The following XXYLT1 variants were observed in gnomAD, a reference collection of about 807,000 sequenced individuals.
XXYLT1 encodes the protein UDP-xylose:alpha-xyloside alpha-1,3-xylosyltransferase.
A neutral mutation model predicts 28.9 loss-of-function variants in XXYLT1; 20 were observed. That is an observed-to-expected ratio of 0.69 (90% CI 0.49 to 1.00). The LOEUF (loss-of-function observed/expected upper bound fraction) is 1.00. XXYLT1 is among the 50% of genes least tolerant of loss of function. XXYLT1 has a pLI of 0.00. For synonymous variants in XXYLT1, 257 were observed against 253.8 expected (o/e 1.01, Z -0.12); for missense variants, 542 against 560.1 (o/e 0.97, Z 0.33).
In XXYLT1 at chr3:195,115,748, G is replaced by A. The variant is rs1360382530; in HGVS notation, c.785+40701C>T. Among the ~76,000 whole-genome samples, 3 of 147,736 alleles carry A rather than the reference G, an allele frequency of 2.0e-5. No individual in the cohort carries two copies. Among genetic ancestry groups the A allele is most frequent in the Non-Finnish European group, 1.5e-5 (1 of 66,418 alleles). On this transcript the variant is annotated intron_variant, in intron 3 of 3. Coordinates refer to ENST00000310380, the MANE Select transcript of XXYLT1 (RefSeq NM_152531.5). The surrounding 1 kb of genome is among the most constrained non-coding windows in gnomAD (Gnocchi z 4.2). ...GTGTTCACGTCCGAGGTGGAGGAAG[G>A]AGGGCGGCAGGTGCAGGCCAGGACC...
chr3:195,173,029 GC>G lies in XXYLT1; in HGVS notation c.653-16449del, dbSNP rs1375704150. ...GGCATTAGAGAGGAGTGGTTTGGCA[GC>G]CCCCCGGGGCTGATCGACACCCCTA... On this transcript the variant is annotated intron_variant, in intron 2 of 3. Transcript: ENST00000310380. The surrounding 1 kb of genome is among the most constrained non-coding windows in gnomAD (Gnocchi z 4.3). Among the ~76,000 whole-genome samples the G allele has an allele frequency of 4.6e-5, 7 of 152,060 alleles. No homozygotes were observed. Among genetic ancestry groups the G allele is most frequent in the African/African-American group, 7.2e-5 (3 of 41,402 alleles).
At chr3:195,233,063 T>A (rs1379531427) in intron 1 of XXYLT1, among the ~76,000 whole-genome samples, 1 of 152,184 alleles carries the variant, frequency 6.6e-6, no homozygotes, top group Non-Finnish European at 1.5e-5. Context: ...AGTGCACTAG[T>A]GTTGGATGCA....
At position 195,129,215 on chromosome 3, in the gene XXYLT1, CCTCT is replaced by C. The variant is rs557463780; in HGVS notation, c.785+27230_785+27233del. 6.6e-6 allele frequency among the ~76,000 whole-genome samples: 1 copy of C among 151,576 alleles called. No individual in the cohort carries two copies. Among genetic ancestry groups the C allele is most frequent in the Non-Finnish European group, 1.5e-5 (1 of 67,860 alleles). ...ACGGCAGCCATTTACAACCTCCTGCCCTCTCTCTCTCTCTTTTTTTGGTAACAGC... is the reference window on the plus strand; with the variant it reads ...ACGGCAGCCATTTACAACCTCCTGCCCTCTCTCTCTTTTTTTGGTAACAGC... On this transcript the variant is annotated intron_variant, in intron 3 of 3. Coordinates refer to ENST00000310380, the MANE Select transcript of XXYLT1 (RefSeq NM_152531.5). This position sits in a 1 kb window ranked among gnomAD's most constrained non-coding sequence, Gnocchi z 4.4.
chr3:195,162,984 T>G lies in XXYLT1; in HGVS notation c.653-6403A>C, dbSNP rs9857412. 5.7e-4 allele frequency among the ~76,000 whole-genome samples: 87 copies of G among 151,394 alleles called. 1 individual carries two copies. Among genetic ancestry groups the G allele is most frequent in the African/African-American group, 2.0e-3 (81 of 40,670 alleles). On this transcript the variant is annotated intron_variant, in intron 2 of 3. Coordinates refer to ENST00000310380, the MANE Select transcript of XXYLT1 (RefSeq NM_152531.5). ...GTTCACATCTCTCTCGTGTCTGCTA[T>G]AAGTTTTTGGTTTTTTTTTGTCTCT...
intron 1 of XXYLT1, among the ~76,000 whole-genome samples, chr3:195,238,457 C>G (rs969462970): frequency 2.0e-5 from 3 of 152,224 alleles, no homozygotes; most frequent in African/African-American, 7.2e-5. Flanking sequence ...GGGCACTCCT[C>G]GTAGGCAGAG....
At chr3:195,136,167 C>A (rs970005910) in intron 3 of XXYLT1, among the ~76,000 whole-genome samples, 3 of 152,284 alleles carry the variant, frequency 2.0e-5, no homozygotes, top group African/African-American at 7.2e-5. Flanking sequence ...GAGCCCCACA[C>A]GTCAGAGCAG....
intron 3 of XXYLT1, among the ~76,000 whole-genome samples, chr3:195,102,629 T>G (rs376921176): frequency 6.6e-6 from 1 of 152,210 alleles, no homozygotes; most frequent in African/African-American, 2.4e-5. Flanking sequence ...GTATGACTCC[T>G]TCTTTTTAAA....
chr3:195,127,013 C>T (rs1340012671), intron 3 of XXYLT1, among the ~76,000 whole-genome samples: 1 of 152,202 alleles, frequency 6.6e-6, no homozygotes, highest in Non-Finnish European at 1.5e-5. Context: ...CTCCATTTTA[C>T]AGAATGTTCC....
intron 3 of XXYLT1, among the ~76,000 whole-genome samples, chr3:195,088,133 TGA>T (rs1715870391): frequency 6.6e-6 from 1 of 150,584 alleles, no homozygotes; most frequent in Non-Finnish European, 1.5e-5. Context: ...TGCCCAGGCT[TGA>T]TTAGGTAAAC....
At chr3:195,235,006 T>C (rs1429398969) in intron 1 of XXYLT1, among the ~76,000 whole-genome samples, 5 of 151,894 alleles carry the variant, frequency 3.3e-5, no homozygotes, top group South Asian at 4.2e-4. Flanking sequence ...ATTTGCCCCA[T>C]TGAGGCAATT....
In XXYLT1 at chr3:195,169,069, G is replaced by C. The variant is rs141989881; in HGVS notation, c.653-12488C>G. Among the ~76,000 whole-genome samples, 33 of 152,344 alleles carry C rather than the reference G, an allele frequency of 2.2e-4. No individual in the cohort carries two copies. The East Asian group carries it at 6.2e-3, about 29-fold the overall frequency. ...CCTAGGCTTAGCAGGGTCTGATTGTGGGGGTCTTTTGGGCGAATGCAGTAA... is the reference window on the plus strand; with the variant it reads ...CCTAGGCTTAGCAGGGTCTGATTGTCGGGGTCTTTTGGGCGAATGCAGTAA... On this transcript the variant is annotated intron_variant, in intron 2 of 3. Coordinates refer to ENST00000310380, the MANE Select transcript of XXYLT1 (RefSeq NM_152531.5).
intron 3 of XXYLT1, among the ~76,000 whole-genome samples, chr3:195,072,993 G>A (rs1278849014): frequency 6.6e-6 from 1 of 152,166 alleles, no homozygotes; most frequent in Non-Finnish European, 1.5e-5. Flanking sequence ...CAACGCAACA[G>A]CACAGCGTGG....
intron 3 of XXYLT1, among the ~76,000 whole-genome samples, chr3:195,104,198 CGTGTGTGTGTGTGTGT>C (rs59361512): frequency 0.061 from 8,676 of 142,016 alleles, 332 homozygotes; most frequent in African/African-American, 0.066. Flanking sequence ...ATGAGGGCTC[CGTGTGTGTGTGTGTGT>C]GTGTGTGTGT....
chr3:195,181,311 C>A (rs1444170217), intron 2 of XXYLT1, among the ~76,000 whole-genome samples: 1 of 152,208 alleles, frequency 6.6e-6, no homozygotes, highest in African/African-American at 2.4e-5. Flanking sequence ...GGCTGCGGAG[C>A]ATGTTTTGCC....
In XXYLT1 at chr3:195,110,338, T is replaced by TAA. The variant is rs1560100866; in HGVS notation, c.786-40228_786-40227insTT. ...TGTGGGTGAGGGTGAGGTGTGTGTA[T>TAA]GTGTGTGGTGTGTGGTGTATGTGCG... On this transcript the variant is annotated intron_variant, in intron 3 of 3. Coordinates refer to ENST00000310380, the MANE Select transcript of XXYLT1 (RefSeq NM_152531.5). 2.6e-4 allele frequency among the ~76,000 whole-genome samples: 9 copies of TAA among 34,680 alleles called. 1 individual carries two copies. The highest frequency in any genetic ancestry group is 7.8e-4 in the African/African-American group (8 of 10,220). The allele number at this position is 34,680 out of a possible 152,430, so 22.8% of individuals were successfully genotyped here. A position where few individuals can be genotyped will look rare whatever the true frequency, so the allele number is the denominator to read the frequency against.
chr3:195,105,001 C>T (rs905711705), intron 3 of XXYLT1, among the ~76,000 whole-genome samples: 1 of 152,212 alleles, frequency 6.6e-6, no homozygotes, highest in Admixed American at 6.5e-5. Flanking sequence ...GGGACAAGGC[C>T]TGAGAGCCTG....
chr3:195,072,372 T>C (rs954560461), intron 3 of XXYLT1, among the ~76,000 whole-genome samples: 43 of 152,326 alleles, frequency 2.8e-4, no homozygotes, highest in African/African-American at 1.0e-3. Flanking sequence ...GGCCGCCCAC[T>C]GTTCCAGGTA....
chr3:195,100,613 T>C (rs1577025368), intron 3 of XXYLT1, among the ~76,000 whole-genome samples: 1 of 152,112 alleles, frequency 6.6e-6, no homozygotes, highest in Non-Finnish European at 1.5e-5. Flanking sequence ...CTCTCCCCTG[T>C]ACTCCACCCA....
chr3:195,116,376 A>G (rs1718043809), intron 3 of XXYLT1, among the ~76,000 whole-genome samples: 1 of 152,226 alleles, frequency 6.6e-6, no homozygotes, highest in Admixed American at 6.5e-5. Context: ...GTTAAAATGT[A>G]GATTCTGAGT....
Sources: allele counts gnomAD v4.1 joint callset (sites outside exome capture counted in the v4.1 genomes callset), GRCh38; gene constraint gnomAD v4.1.1; non-coding constraint Gnocchi (gnomAD v3.1); transcripts MANE v1.5; gene names NCBI Gene and HGNC (gene_info 2026-07-23, HGNC 2026-07-21).